Variants in SUN1 observed in about 807,000 individuals in gnomAD.
SUN1 encodes the protein SUN domain-containing protein 1.
Under a neutral mutation model 103.2 loss-of-function variants are expected in SUN1, and 61 were observed. The ratio of observed to expected loss-of-function variants is 0.59; its 90% CI spans 0.48 to 0.73. The LOEUF (loss-of-function observed/expected upper bound fraction) is 0.73, where lower values mean the gene tolerates loss of function less well. SUN1 is among the 30% of genes least tolerant of loss of function. SUN1 has a pLI of 0.00. For missense variants in SUN1, 1,052 were observed against 1,034.6 expected (o/e 1.02, Z -0.23); for synonymous variants, 490 against 425.7 (o/e 1.15, Z -1.86).
chr7:816,067 T>G, upstream of SUN1: 1 of 195,766 alleles, frequency 5.1e-6, no homozygotes, highest in South Asian at 5.1e-5. Flanking sequence ...CTCCCCAAGA[T>G]GCGGACGCCC....
chr7:817,157 G>T, intron 1 of SUN1: 2 of 463,444 alleles, frequency 4.3e-6, no homozygotes, highest in Non-Finnish European at 7.8e-6. Flanking sequence ...GGGGGGTCTC[G>T]CTGTGTTTCC....
chr7:860,949 G>A (rs920836805), intron 14 of SUN1, among the ~76,000 whole-genome samples: 3 of 152,070 alleles, frequency 2.0e-5, no homozygotes, highest in Admixed American at 6.5e-5. Flanking sequence ...TCCCCCACCC[G>A]CTCCCTGCCA....
chr7:852,444 T>A (rs1453827142), intron 7 of SUN1, 165 bp from the exon 8 acceptor site: 3 of 756,516 alleles, frequency 4.0e-6, no homozygotes, highest in Non-Finnish European at 6.5e-6. Flanking sequence ...CCATTTTACA[T>A]GAAGGTTCTC....
intron 5 of SUN1, among the ~76,000 whole-genome samples, chr7:845,758 C>T (rs1814951927): frequency 6.6e-6 from 1 of 152,154 alleles, no homozygotes. Flanking sequence ...TCCTTTTCCC[C>T]CACCCAATCC....
At chr7:861,726 CTCGACTGTTCACTCTCTCCTGTGCT>C (rs1832396469) in intron 15 of SUN1, among the ~76,000 whole-genome samples, 1 of 152,178 alleles carries the variant, frequency 6.6e-6, no homozygotes, top group Admixed American at 6.5e-5. Context: ...AGAAAGTGTG[CTCGACTGTTCACTCTCTCCTGTGCT>C]GTGATCGGGG....
intron 5 of SUN1, among the ~76,000 whole-genome samples, chr7:847,137 T>C (rs1490127763): frequency 6.6e-6 from 1 of 152,234 alleles, no homozygotes; most frequent in Non-Finnish European, 1.5e-5. Context: ...TCGTAGTGTA[T>C]GTGTGAACAG....
At chr7:852,103 CA>C in intron 7 of SUN1, 60 bp downstream of exon 7, 1 of 1,391,712 alleles carries the variant, frequency 7.2e-7, no homozygotes, top group Non-Finnish European at 1.0e-6. Flanking sequence ...GTGCCAATTG[CA>C]GGCTCTCATT....
Position 851,975 on chromosome 7 carries a change from G to C in SUN1, c.783G>C (p.Trp261Cys), listed in dbSNP as rs767674375. 1.2e-6 allele frequency: 2 copies of C among 1,614,104 alleles called. No individual in the cohort carries two copies. The highest frequency in any genetic ancestry group is 1.7e-6 in the Non-Finnish European group (2 of 1,179,994). ...GGAAGGCAGCCTCTGGAGTGTTCTG[G>C]TGGCTGGGGATTGGATGGTACCAGT... ...APGKAASGVFWWLGIGWYQFV... is the reference protein window; with the variant it reads ...APGKAASGVFCWLGIGWYQFV... Residue 261 changes from tryptophan to cysteine, a missense_variant, in exon 7 of 19, where the codon TGG becomes TGC. Physicochemically the swap from Trp to Cys is radical, Grantham distance 215 (BLOSUM62 -2). This residue lies in a region of SUN1 where 846 missense variants were observed against 774.5 expected (regional missense o/e 1.09). Coordinates refer to ENST00000401592, the MANE Select transcript of SUN1 (RefSeq NM_001130965.3).
chr7:815,757 G>A, upstream of SUN1: 1 of 183,842 alleles, frequency 5.4e-6, no homozygotes, highest in Non-Finnish European at 1.1e-5. Context: ...GGCCCTGCAG[G>A]AGACCTCGCG....
chr7:816,196 A>AGGTGGAGACCCCTCCCCCC, upstream of SUN1: 4 of 100,120 alleles, frequency 4.0e-5, no homozygotes, highest in Non-Finnish European at 6.8e-5. Flanking sequence ...CCCCTCCCCC[A>AGGTGGAGACCCCTCCCCCC]GGTGCAGACC....
intron 5 of SUN1, chr7:851,120 T>C (rs1232116604): frequency 2.9e-5 from 8 of 273,314 alleles, no homozygotes; most frequent in African/African-American, 6.5e-5. Flanking sequence ...TTAGGAGATA[T>C]CTGCATTTTA....
chr7:818,999 G>A (rs1239548109), intron 1 of SUN1, among the ~76,000 whole-genome samples: 2 of 151,976 alleles, frequency 1.3e-5, no homozygotes, highest in African/African-American at 4.8e-5. Flanking sequence ...GAATAGCTGG[G>A]ATTACAGGTG....
intron 1 of SUN1, among the ~76,000 whole-genome samples, chr7:833,515 G>T (rs10258993): frequency 0.77 from 117,581 of 151,910 alleles, 45,638 homozygotes; most frequent in Admixed American, 0.83. Context: ...TTCACCATGT[G>T]GACCAGGCCA....
rs1252065046 is a variant in SUN1 at position 843,444 on chromosome 7, C to T, written c.582C>T (p.Arg194=). ...SCSNCSMLSE[R]KDVLTAHPAA... Reference sequence around the variant, plus strand: ...GCAACTGCAGCATGCTGTCCGAGCGCAAGGACGTGCTCACGGCGCACCCCG... The same window carrying T: ...GCAACTGCAGCATGCTGTCCGAGCGTAAGGACGTGCTCACGGCGCACCCCG... The change falls in exon 5 of 19, where the codon CGC becomes CGT. Residue 194 remains arginine, a synonymous_variant. Transcript: ENST00000401592. 5 of 1,614,188 alleles carry T rather than the reference C, an allele frequency of 3.1e-6. No homozygotes were observed. Among genetic ancestry groups the T allele is most frequent in the Non-Finnish European group, 4.2e-6 (5 of 1,180,030 alleles).
upstream of SUN1, among the ~76,000 whole-genome samples, chr7:827,581 C>T (rs567349125): frequency 1.3e-4 from 20 of 150,628 alleles, no homozygotes; most frequent in East Asian, 2.2e-3. Context: ...GCCATTCTCC[C>T]GCCTCAGCCT....
upstream of SUN1, among the ~76,000 whole-genome samples, chr7:830,365 T>A (rs1796799172): frequency 6.6e-6 from 1 of 152,206 alleles, no homozygotes; most frequent in African/African-American, 2.4e-5. Context: ...TTTCCCTAGA[T>A]CCTGGACAGG....
chr7:832,337 A>G (rs1237367785), upstream of SUN1, among the ~76,000 whole-genome samples: 1 of 152,160 alleles, frequency 6.6e-6, no homozygotes, highest in Non-Finnish European at 1.5e-5. Context: ...AACTATGGAA[A>G]CACTTGTCTC....
At position 842,147 on chromosome 7, in the gene SUN1, C is replaced by T; in HGVS notation, c.451+17C>T. On this transcript the variant is annotated intron_variant, in intron 3 of 18. Coordinates refer to ENST00000401592, the MANE Select transcript of SUN1 (RefSeq NM_001130965.3). ...ACTTCTGGGGTGAGTCCCTGCGAGA[C>T]ACAGATTGTCCCGCCTACAGTTGGG... The T allele has an allele frequency of 6.2e-7, 1 of 1,605,732 alleles. No individual in the cohort carries two copies. The highest frequency in any genetic ancestry group is 8.5e-7 in the Non-Finnish European group (1 of 1,173,422).
intron 1 of SUN1, chr7:817,182 C>G (rs1016335769): frequency 5.6e-6 from 3 of 534,448 alleles, no homozygotes; most frequent in Non-Finnish European, 1.0e-5. Context: ...CTGGTCTCGA[C>G]CTCCTGAGCG....
Sources: allele counts gnomAD v4.1 joint callset (sites outside exome capture counted in the v4.1 genomes callset), GRCh38; gene constraint gnomAD v4.1.1; regional missense constraint gnomAD v4.1.1; transcripts MANE v1.5; gene names NCBI Gene and HGNC (gene_info 2026-07-23, HGNC 2026-07-21).